LY86: variants seen among roughly 807,000 people sequenced by gnomAD.
LY86 encodes the protein lymphocyte antigen 86, also known as MD-1, RP105-associated.
LY86 carries 20 observed loss-of-function variants against 17.3 expected under a neutral mutation model. The observed-to-expected ratio is 1.15, with a 90% confidence interval of 0.81 to 1.68. LY86 has a LOEUF of 1.68. Ranked by LOEUF, LY86 falls within the 40% of genes most tolerant of loss-of-function variation. The pLI, the probability that LY86 is intolerant of heterozygous loss-of-function variation, is 0.00. For missense variants in LY86, 200 were observed against 191.9 expected (o/e 1.04, Z -0.25); for synonymous variants, 74 against 70.6 (o/e 1.05, Z -0.24).
At chr6:6,639,503 A>T (rs1247182687) in intron 3 of LY86, among the ~76,000 whole-genome samples, 1 of 152,184 alleles carries the variant, frequency 6.6e-6, no homozygotes, top group Non-Finnish European at 1.5e-5. Context: ...GCATCAAAGT[A>T]TCATAGAATT....
At chr6:6,590,452 A>G (rs1213529643) in intron 1 of LY86, among the ~76,000 whole-genome samples, 1 of 152,124 alleles carries the variant, frequency 6.6e-6, no homozygotes, top group African/African-American at 2.4e-5. Flanking sequence ...TCTATTTAAT[A>G]TTTTTGGACT....
intron 3 of LY86, among the ~76,000 whole-genome samples, chr6:6,631,114 A>T (rs1241741762): frequency 6.6e-6 from 1 of 152,066 alleles, no homozygotes; most frequent in Non-Finnish European, 1.5e-5. Context: ...CTGCATTATT[A>T]TCTCCCTTTA....
chr6:6,648,032 A>C (rs2113163938), intron 3 of LY86, among the ~76,000 whole-genome samples: 1 of 150,710 alleles, frequency 6.6e-6, no homozygotes, highest in East Asian at 2.0e-4. Flanking sequence ...AGGCTTCCCT[A>C]ATCTCAATAA....
intron 1 of LY86, among the ~76,000 whole-genome samples, chr6:6,597,578 C>CA (rs1760753864): frequency 6.6e-6 from 1 of 152,140 alleles, no homozygotes; most frequent in South Asian, 2.1e-4. Context: ...CTAGAGACAC[C>CA]AAGTGGGCAA....
In LY86 at chr6:6,646,436, C is replaced by G. The variant is rs1446490272; in HGVS notation, c.353-3189C>G. Among the ~76,000 whole-genome samples the G allele has an allele frequency of 2.0e-5, 3 of 152,176 alleles. No individual in the cohort carries two copies. The East Asian group carries it at 5.8e-4, about 29-fold the overall frequency. On this transcript the variant is annotated intron_variant, in intron 3 of 4. Transcript: ENST00000230568. Reference sequence around the variant, plus strand: ...TTCAATACTGATGTGGATGGCCCACCAAGCACCATGATGTCTCAGTTCTTT... The same window carrying G: ...TTCAATACTGATGTGGATGGCCCACGAAGCACCATGATGTCTCAGTTCTTT...
chr6:6,603,057 C>T (rs1411704112), intron 1 of LY86, among the ~76,000 whole-genome samples: 1 of 152,124 alleles, frequency 6.6e-6, no homozygotes, highest in Non-Finnish European at 1.5e-5. Flanking sequence ...GGAGCGCTCA[C>T]TCTCTGCTTT....
intron 1 of LY86, among the ~76,000 whole-genome samples, chr6:6,611,258 T>C (rs1239866955): frequency 6.6e-6 from 1 of 152,184 alleles, no homozygotes; most frequent in Non-Finnish European, 1.5e-5. Flanking sequence ...TTTTTGTATA[T>C]ATTATTCTCT....
chr6:6,624,367 T>C (rs1185504149), intron 1 of LY86, among the ~76,000 whole-genome samples: 1 of 34,884 alleles, frequency 2.9e-5, no homozygotes, highest in African/African-American at 2.8e-4. Context: ...GAGGAAGCAT[T>C]ACATTAAATG....
intron 1 of LY86, among the ~76,000 whole-genome samples, chr6:6,602,657 G>T (rs1426172238): frequency 6.6e-6 from 1 of 152,142 alleles, no homozygotes; most frequent in Non-Finnish European, 1.5e-5. Flanking sequence ...TGGGTAACTG[G>T]GGTTCAGTCC....
Position 6,654,675 on chromosome 6 carries a change from C to A in LY86, c.*48C>A, listed in dbSNP as rs1263819231. 1 of 1,503,516 alleles carries A rather than the reference C, an allele frequency of 6.7e-7. No homozygotes were observed. Among genetic ancestry groups the A allele is most frequent in the Non-Finnish European group, 9.3e-7 (1 of 1,080,508 alleles). 93.1% of individuals were successfully genotyped at this position (1,503,516 alleles called of 1,614,324 possible). A position where few individuals can be genotyped will look rare whatever the true frequency, so the allele number is the denominator to read the frequency against. ...CAGCCAGCTGCATCTCGTGGGACCTCCAAGCTCCTCTGACTGAACCTACTG... is the reference window on the plus strand; with the variant it reads ...CAGCCAGCTGCATCTCGTGGGACCTACAAGCTCCTCTGACTGAACCTACTG... On this transcript the variant is annotated 3_prime_UTR_variant, in exon 5 of 5. Coordinates refer to ENST00000230568, the MANE Select transcript of LY86 (RefSeq NM_004271.4).
chr6:6,638,926 G>T (rs1761999776), intron 3 of LY86, among the ~76,000 whole-genome samples: 1 of 150,960 alleles, frequency 6.6e-6, no homozygotes, highest in Non-Finnish European at 1.5e-5. Context: ...CCATTACTGG[G>T]TATATACCCA....
At chr6:6,639,591 C>G (rs568291750) in intron 3 of LY86, among the ~76,000 whole-genome samples, 2 of 152,154 alleles carry the variant, frequency 1.3e-5, no homozygotes, top group Non-Finnish European at 2.9e-5. Context: ...TTCCTCGGCC[C>G]GTAGTGGCAT....
chr6:6,645,756 C>T (rs1762098416), intron 3 of LY86, among the ~76,000 whole-genome samples: 1 of 151,632 alleles, frequency 6.6e-6, no homozygotes, highest in Non-Finnish European at 1.5e-5. Context: ...GTGCTCTTGG[C>T]TTGTTCATGC....
intron 2 of LY86, 22 bp downstream of exon 2, chr6:6,625,034 C>T (rs761075518): frequency 1.7e-6 from 2 of 1,159,602 alleles, no homozygotes; most frequent in Non-Finnish European, 2.5e-6. Flanking sequence ...AAATGATTAG[C>T]ATGAAATAAA....
chr6:6,601,739 A>T (rs1760918664), intron 1 of LY86, among the ~76,000 whole-genome samples: 1 of 152,116 alleles, frequency 6.6e-6, no homozygotes. Context: ...AGAAAAAAAA[A>T]GAAATATACA....
chr6:6,604,978 C>T (rs1761053567), intron 1 of LY86, among the ~76,000 whole-genome samples: 1 of 151,426 alleles, frequency 6.6e-6, no homozygotes, highest in Non-Finnish European at 1.5e-5. Flanking sequence ...AGTATAGCTA[C>T]AATTCTACAT....
At chr6:6,605,796 T>TC (rs1344561522) in intron 1 of LY86, among the ~76,000 whole-genome samples, 2 of 151,804 alleles carry the variant, frequency 1.3e-5, no homozygotes, top group African/African-American at 4.9e-5. Flanking sequence ...GTTTCTTCCT[T>TC]TTGGTGGGGT....
intron 1 of LY86, among the ~76,000 whole-genome samples, chr6:6,592,114 G>T (rs76628284): frequency 1.3e-5 from 2 of 152,290 alleles, no homozygotes; most frequent in South Asian, 4.1e-4. Flanking sequence ...AATAATTCAG[G>T]AAAGAAACCA....
At chr6:6,653,724 T>A (rs1040471017) in intron 4 of LY86, among the ~76,000 whole-genome samples, 4 of 152,212 alleles carry the variant, frequency 2.6e-5, no homozygotes, top group Non-Finnish European at 5.9e-5. Context: ...CATACAAACC[T>A]TTCTCCTTCC....
Sources: allele counts gnomAD v4.1 joint callset (sites outside exome capture counted in the v4.1 genomes callset), GRCh38; gene constraint gnomAD v4.1.1; transcripts MANE v1.5; gene names NCBI Gene and HGNC (gene_info 2026-07-23, HGNC 2026-07-21).